The following SHFL variants were observed in gnomAD, a reference collection of about 807,000 sequenced individuals.
SHFL encodes the protein shiftless antiviral inhibitor of ribosomal frameshifting.
Under a neutral mutation model 34.7 loss-of-function variants are expected in SHFL, and 12 were observed. The observed-to-expected ratio is 0.35, with a 90% CI of 0.22 to 0.56. The LOEUF (loss-of-function observed/expected upper bound fraction) is 0.56. Ranked by LOEUF, SHFL falls within the 20% of genes least tolerant of loss-of-function variation. SHFL has a pLI of 0.88. For missense variants in SHFL, 278 were observed against 411.1 expected (o/e 0.68, Z 2.80); for synonymous variants, 148 against 156.0 (o/e 0.95, Z 0.38).
rs752097891 is a variant in SHFL at position 10,089,704 on chromosome 19, G to A, written c.234+9G>A. The A allele has an allele frequency of 6.3e-7, 1 of 1,596,968 alleles. No individual in the cohort carries two copies. The highest frequency in any genetic ancestry group is 8.5e-7 in the Non-Finnish European group (1 of 1,171,338). On this transcript the variant is annotated intron_variant, in intron 4 of 7. Transcript: ENST00000253110. The stretch of plus-strand genomic sequence containing the variant: ...AGGACCGGGACATTCAGGTGAGTTG[G>A]TGGCTAGGGCTTGGGATGGGGGAGT...
chr19:10,087,418 G>C, intron 3 of SHFL, 118 bp downstream of exon 3: 1 of 1,049,264 alleles, frequency 9.5e-7, no homozygotes, highest in Non-Finnish European at 1.4e-6. Context: ...AGGCATTGTC[G>C]GTCCATAACT....
intron 3 of SHFL, chr19:10,089,417 C>A: frequency 1.9e-6 from 3 of 1,592,612 alleles, no homozygotes; most frequent in Non-Finnish European, 2.6e-6. Flanking sequence ...TCAGGCAAGC[C>A]CTCCCCTAAG....
chr19:10,091,291 G>A lies in SHFL; in HGVS notation c.426G>A (p.Val142=). ...AATGCCGGAAGCGCTACGAGCCAGT[G>A]CCAGCTGACAAGATGTGGGGCCTGG... ...CRKCRKRYEP[V]PADKMWGLAE... The change falls in exon 6 of 8, where the codon GTG becomes GTA. Residue 142 remains valine (V), a synonymous_variant. Transcript: ENST00000253110. The surrounding 1 kb of genome is among the most constrained non-coding windows in gnomAD (Gnocchi z 8.2). The A allele has an allele frequency of 1.9e-6, 3 of 1,613,938 alleles. No homozygotes were observed. The highest frequency in any genetic ancestry group is 2.5e-6 in the Non-Finnish European group (3 of 1,179,856).
chr19:10,087,227 C>T (rs777241925), intron 2 of SHFL, 24 bp from the exon 3 acceptor site: 1 of 1,613,898 alleles, frequency 6.2e-7, no homozygotes, highest in South Asian at 1.1e-5. Flanking sequence ...AGGGCCCTTC[C>T]CTTATATGCA....
At chr19:10,089,788 T>G (rs2088349539) in intron 4 of SHFL, 93 bp downstream of exon 4, 2 of 1,555,558 alleles carry the variant, frequency 1.3e-6, no homozygotes, top group Non-Finnish European at 8.7e-7. Context: ...GGGGAGATAT[T>G]CACTGGGGCA....
At chr19:10,090,356 G>T in intron 5 of SHFL, 1 of 343,608 alleles carries the variant, frequency 2.9e-6, no homozygotes, top group Non-Finnish European at 5.5e-6. Flanking sequence ...TCAGTGTTTT[G>T]GGAGGCTAAG....
At chr19:10,087,532 A>T in intron 3 of SHFL, 1 of 584,962 alleles carries the variant, frequency 1.7e-6, no homozygotes, top group African/African-American at 1.9e-5. Flanking sequence ...TGGGGGAGAG[A>T]GCCATGAAAC....
Position 10,086,704 on chromosome 19 carries a change from C to CA in SHFL, c.22-224dup. The stretch of plus-strand genomic sequence containing the variant: ...GCCAGAGATAACCTGGCCGCCCCCC[C>CA]ACACCTTAGGCTGGGACGCTCGCCC... On this transcript the variant is annotated intron_variant, in intron 1 of 7. Coordinates refer to ENST00000253110, the MANE Select transcript of SHFL (RefSeq NM_018381.4). This position sits in a 1 kb window ranked among gnomAD's most constrained non-coding sequence, Gnocchi z 5.2. The CA allele has an allele frequency of 1.6e-6, 1 of 615,152 alleles. No homozygotes were observed. The highest frequency in any genetic ancestry group is 2.2e-5 in the South Asian group (1 of 45,050). The allele number at this position is 615,152 out of a possible 1,614,324, so 38.1% of individuals were successfully genotyped here.
intron 3 of SHFL, 59 bp downstream of exon 3, chr19:10,087,359 G>A: frequency 4.4e-6 from 7 of 1,595,022 alleles, no homozygotes; most frequent in South Asian, 2.2e-5. Flanking sequence ...CAAGAGGGGG[G>A]ACCCGACCCG....
Position 10,086,829 on chromosome 19 carries a change from C to T in SHFL, c.22-100C>T, listed in dbSNP as rs2088295024. ...GGGGGGGGGGCGGCGGAGGCCAAAACCAAGGGTCAAGTTCGGGCCGGGAGA... is the reference window on the plus strand; with the variant it reads ...GGGGGGGGGGCGGCGGAGGCCAAAATCAAGGGTCAAGTTCGGGCCGGGAGA... On this transcript the variant is annotated intron_variant, in intron 1 of 7. Transcript: ENST00000253110. The surrounding 1 kb of genome is among the most constrained non-coding windows in gnomAD (Gnocchi z 5.2). The T allele has an allele frequency of 7.2e-7, 1 of 1,394,870 alleles. No homozygotes were observed. The highest frequency in any genetic ancestry group is 2.2e-5 in the Admixed American group (1 of 44,880). The allele number at this position is 1,394,870 out of a possible 1,614,324, so 86.4% of individuals were successfully genotyped here. A position where few individuals can be genotyped will look rare whatever the true frequency, so the allele number is the denominator to read the frequency against.
In SHFL at chr19:10,086,397, G is replaced by T. The variant is rs1397998308; in HGVS notation, c.-31G>T. The T allele has an allele frequency of 5.3e-6, 7 of 1,321,460 alleles. No homozygotes were observed. Among genetic ancestry groups the T allele is most frequent in the Non-Finnish European group, 6.8e-6 (7 of 1,029,182 alleles). 81.9% of individuals were successfully genotyped at this position (1,321,460 alleles called of 1,614,324 possible). A position where few individuals can be genotyped will look rare whatever the true frequency, so the allele number is the denominator to read the frequency against. On this transcript the variant is annotated 5_prime_UTR_variant, in exon 1 of 8. Coordinates refer to ENST00000253110, the MANE Select transcript of SHFL (RefSeq NM_018381.4). This position sits in a 1 kb window ranked among gnomAD's most constrained non-coding sequence, Gnocchi z 5.2. ...GGGGGCGGCTGAGCCGCGCAGTGCG[G>T]ACCCTCGCGGGGAACTGCGCCGCCG...
Position 10,086,582 on chromosome 19 carries a change from T to C in SHFL, c.21+134T>C, listed in dbSNP as rs1385350324. On this transcript the variant is annotated intron_variant, in intron 1 of 7. Transcript: ENST00000253110. This position sits in a 1 kb window ranked among gnomAD's most constrained non-coding sequence, Gnocchi z 5.2. ...CCAGATCCTTACCCCTGCCTGGCGC[T>C]CGCCCCCCTTGAAAAGGAAAGTGAC... The C allele has an allele frequency of 2.2e-6, 2 of 894,598 alleles. No individual in the cohort carries two copies. Among genetic ancestry groups the C allele is most frequent in the Non-Finnish European group, 3.1e-6 (2 of 647,366 alleles). 55.4% of individuals were successfully genotyped at this position (894,598 alleles called of 1,614,324 possible). A position where few individuals can be genotyped will look rare whatever the true frequency, so the allele number is the denominator to read the frequency against.
intron 3 of SHFL, chr19:10,089,372 G>T (rs757415122): frequency 3.1e-6 from 5 of 1,598,642 alleles, no homozygotes; most frequent in Admixed American, 1.7e-5. Context: ...GCATTTGCAG[G>T]CAGGAAGTGA....
chr19:10,091,696 A>C lies in SHFL; in HGVS notation c.643+66A>C. 6.8e-7 allele frequency: 1 copy of C among 1,470,962 alleles called. No individual in the cohort carries two copies. The highest frequency in any genetic ancestry group is 9.1e-7 in the Non-Finnish European group (1 of 1,102,696). The allele number at this position is 1,470,962 out of a possible 1,614,324, so 91.1% of individuals were successfully genotyped here. A position where few individuals can be genotyped will look rare whatever the true frequency, so the allele number is the denominator to read the frequency against. On this transcript the variant is annotated intron_variant, in intron 7 of 7. Coordinates refer to ENST00000253110, the MANE Select transcript of SHFL (RefSeq NM_018381.4). This position sits in a 1 kb window ranked among gnomAD's most constrained non-coding sequence, Gnocchi z 8.2. ...CCCTTCTGTGCCTTTAAGTCCCCAA[A>C]TCTCCACTCAGTCCACTTTGTCTCC... is the stretch of plus-strand genomic sequence containing the variant.
chr19:10,086,976 A>G lies in SHFL; in HGVS notation c.69A>G (p.Val23=). 6.2e-7 allele frequency: 1 copy of G among 1,613,546 alleles called. No individual in the cohort carries two copies. ...RRLREKFHGK[V]SSKKAGALMR... is the part of the protein sequence containing the mutation. ...TCCGGGAGAAGTTTCATGGGAAGGT[A>G]TCCTCCAAGAAGGCGGGGGCTCTGA... The change falls in exon 2 of 8, where the codon GTA becomes GTG. Residue 23 remains valine, a synonymous_variant. Transcript: ENST00000253110. This position sits in a 1 kb window ranked among gnomAD's most constrained non-coding sequence, Gnocchi z 5.2.
chr19:10,089,369 C>G lies in SHFL; in HGVS notation c.196-288C>G, dbSNP rs767372298. On this transcript the variant is annotated intron_variant, in intron 3 of 7. Transcript: ENST00000253110. ...AACATCAACAAGCATGTGGCATTTG[C>G]AGGCAGGAAGTGAGTATGGGGGTCA... is the stretch of plus-strand genomic sequence containing the variant. 2.3e-5 allele frequency: 36 copies of G among 1,598,506 alleles called. 1 individual carries two copies. The highest frequency in any genetic ancestry group is 8.3e-5 in the Admixed American group (5 of 60,000).
chr19:10,090,185 C>G, intron 5 of SHFL, 138 bp downstream of exon 5: 2 of 987,278 alleles, frequency 2.0e-6, no homozygotes, highest in Non-Finnish European at 1.5e-6. Flanking sequence ...CAGAGCTCAG[C>G]CTTGATCTCT....
chr19:10,086,573 G>A lies in SHFL; in HGVS notation c.21+125G>A. On this transcript the variant is annotated intron_variant, in intron 1 of 7. Transcript: ENST00000253110. The surrounding 1 kb of genome is among the most constrained non-coding windows in gnomAD (Gnocchi z 5.2). ...CCTAGAACCCCAGATCCTTACCCCTGCCTGGCGCTCGCCCCCCTTGAAAAG... is the reference window on the plus strand; with the variant it reads ...CCTAGAACCCCAGATCCTTACCCCTACCTGGCGCTCGCCCCCCTTGAAAAG... 1 of 967,578 alleles carries A rather than the reference G, an allele frequency of 1.0e-6. No individual in the cohort carries two copies. Among genetic ancestry groups the A allele is most frequent in the Non-Finnish European group, 1.4e-6 (1 of 710,180 alleles). The allele number at this position is 967,578 out of a possible 1,614,324, so 59.9% of individuals were successfully genotyped here.
In SHFL at chr19:10,086,802, GC is replaced by G. The variant is rs967893712; in HGVS notation, c.22-126del. The G allele has an allele frequency of 7.4e-5, 85 of 1,153,188 alleles. 1 individual carries two copies. Among genetic ancestry groups the G allele is most frequent in the African/African-American group, 7.3e-4 (45 of 61,988 alleles). The allele number at this position is 1,153,188 out of a possible 1,614,324, so 71.4% of individuals were successfully genotyped here. On this transcript the variant is annotated intron_variant, in intron 1 of 7. Transcript: ENST00000253110. This position sits in a 1 kb window ranked among gnomAD's most constrained non-coding sequence, Gnocchi z 5.2. ...AGGAAATGCCGTAAAGGGATGAAAG[GC>G]GGGGGGGGGGCGGCGGAGGCCAAAA...
Sources: allele counts gnomAD v4.1 joint callset, GRCh38; gene constraint gnomAD v4.1.1; non-coding constraint Gnocchi (gnomAD v3.1); transcripts MANE v1.5; gene names NCBI Gene and HGNC (gene_info 2026-07-23, HGNC 2026-07-21).